Variants in ATP6V0A4 observed in about 807,000 individuals in gnomAD.
ATP6V0A4 encodes the protein ATPase H+ transporting V0 subunit a4.
Under a neutral mutation model 107.3 loss-of-function variants are expected in ATP6V0A4, and 86 were observed. The ratio of observed to expected loss-of-function variants is 0.80; its 90% CI spans 0.67 to 0.96. The LOEUF is 0.96. Ranked by LOEUF, ATP6V0A4 falls within the 40% of genes least tolerant of loss-of-function variation. The probability of loss-of-function intolerance (pLI) is 0.00; values close to 1 mark genes in which losing one functional copy is unlikely to be tolerated. For missense variants in ATP6V0A4, 908 were observed against 1,045.6 expected (o/e 0.87, Z 1.81); for synonymous variants, 353 against 381.4 (o/e 0.93, Z 0.87).
At chr7:138,741,201 C>A (rs1470999704) in intron 14 of ATP6V0A4, among the ~76,000 whole-genome samples, 2 of 152,116 alleles carry the variant, frequency 1.3e-5, no homozygotes, top group Non-Finnish European at 2.9e-5. Context: ...AGACAGCAGA[C>A]AGTCTTGACA....
At chr7:138,789,222 G>GTTT (rs779547524) in intron 1 of ATP6V0A4, among the ~76,000 whole-genome samples, 34 of 150,434 alleles carry the variant, frequency 2.3e-4, no homozygotes, top group East Asian at 3.9e-4. Flanking sequence ...TTTTTGGGGG[G>GTTT]TTTTTTTTTG....
At chr7:138,755,806 A>C (rs1806486063) in intron 9 of ATP6V0A4, 24 bp from the exon 10 acceptor site, 1 of 1,609,792 alleles carries the variant, frequency 6.2e-7, no homozygotes. Context: ...ATTCCAAAGG[A>C]AACAGGTGAG....
In ATP6V0A4 at chr7:138,747,497, G is replaced by A. The variant is rs748216034; in HGVS notation, c.1248C>T (p.Thr416=). The A allele has an allele frequency of 4.3e-6, 7 of 1,613,960 alleles. No homozygotes were observed. The highest frequency in any genetic ancestry group is 2.7e-5 in the African/African-American group (2 of 74,896). ...TCCAAAGTGCAGCCAGGAGCATCAC[G>A]GTTCCATGACCACAGTCTCCAAACA... ...AVMFGDCGHG[T]VMLLAALWMI... The change falls in exon 13 of 22, where the codon ACC becomes ACT. Residue 416 remains threonine (T), a synonymous_variant. Coordinates refer to ENST00000310018, the MANE Select transcript of ATP6V0A4 (RefSeq NM_020632.3).
chr7:138,743,373 G>T (rs187488666), intron 14 of ATP6V0A4, among the ~76,000 whole-genome samples: 2 of 150,546 alleles, frequency 1.3e-5, no homozygotes, highest in Non-Finnish European at 2.9e-5. Context: ...CAGGAGAATC[G>T]CTTGAACCCG....
intron 14 of ATP6V0A4, among the ~76,000 whole-genome samples, chr7:138,744,402 T>C (rs763214616): frequency 1.3e-5 from 2 of 152,002 alleles, no homozygotes; most frequent in African/African-American, 2.4e-5. Context: ...CATGCCCAGC[T>C]AATTTTTGTA....
At position 138,792,786 on chromosome 7, in the gene ATP6V0A4, G is replaced by GT. The variant is rs869050228; in HGVS notation, c.-121+5247dup. Reference sequence around the variant, plus strand: ...GGTTTGTTTTTTTTTTTGTTGTTTTGTTTTTTTTTTTGTAGCAACAGAGTT... The same window carrying GT: ...GGTTTGTTTTTTTTTTTGTTGTTTTGTTTTTTTTTTTTGTAGCAACAGAGTT... On this transcript the variant is annotated intron_variant, in intron 1 of 21. Coordinates refer to ENST00000310018, the MANE Select transcript of ATP6V0A4 (RefSeq NM_020632.3). 2.6e-3 allele frequency among the ~76,000 whole-genome samples: 157 copies of GT among 59,950 alleles called. 4 individuals are homozygous for GT. Among genetic ancestry groups the GT allele is most frequent in the Admixed American group, 9.6e-3 (43 of 4,466 alleles). The allele number at this position is 59,950 out of a possible 152,430, so 39.3% of individuals were successfully genotyped here.
chr7:138,748,379 G>C (rs1050781904), intron 12 of ATP6V0A4, among the ~76,000 whole-genome samples: 2 of 151,844 alleles, frequency 1.3e-5, no homozygotes. Context: ...TTGGATAAAG[G>C]GTATCTGGTC....
At chr7:138,713,324 G>T (rs1375427641) in intron 20 of ATP6V0A4, among the ~76,000 whole-genome samples, 1 of 151,174 alleles carries the variant, frequency 6.6e-6, no homozygotes, top group Non-Finnish European at 1.5e-5. Flanking sequence ...TGTCTGTGCT[G>T]CAGCCACTTG....
intron 1 of ATP6V0A4, among the ~76,000 whole-genome samples, chr7:138,796,417 T>C (rs1309714732): frequency 6.6e-6 from 1 of 152,158 alleles, no homozygotes; most frequent in African/African-American, 2.4e-5. Context: ...GCTGTTACAC[T>C]CCACTAGGAA....
At chr7:138,708,688 G>A (rs551097230) in intron 21 of ATP6V0A4, among the ~76,000 whole-genome samples, 30 of 152,274 alleles carry the variant, frequency 2.0e-4, no homozygotes, top group African/African-American at 3.1e-4. Context: ...CCCGGTGAGC[G>A]TCTCCCTCCT....
chr7:138,772,955 T>G (rs1343494233), intron 2 of ATP6V0A4, among the ~76,000 whole-genome samples: 1 of 152,078 alleles, frequency 6.6e-6, no homozygotes, highest in Non-Finnish European at 1.5e-5. Context: ...GAAGGCCACA[T>G]GAGAGCCAAG....
intron 11 of ATP6V0A4, 111 bp from the exon 12 acceptor site, chr7:138,749,428 G>A: frequency 7.9e-7 from 1 of 1,265,944 alleles, no homozygotes; most frequent in Non-Finnish European, 1.1e-6. Flanking sequence ...GCGAACTTGG[G>A]GCAATCTCTT....
At chr7:138,715,672 C>T (rs576230168) in intron 20 of ATP6V0A4, 92 bp downstream of exon 20, 9 of 1,510,494 alleles carry the variant, frequency 6.0e-6, no homozygotes, top group East Asian at 2.3e-5. Context: ...ACAAATAGCT[C>T]GGAGAAGTCA....
rs1325615195 is a variant in ATP6V0A4, at chr7:138,762,327, G to T, written c.512+13C>A. The stretch of plus-strand genomic sequence containing the variant: ...GGACCAGGGACCCATCTACACACAA[G>T]AATTACACTAACCCCAACTTTCCGG... On this transcript the variant is annotated intron_variant, in intron 7 of 21. Transcript: ENST00000310018. The T allele has an allele frequency of 6.2e-7, 1 of 1,613,884 alleles. No individual in the cohort carries two copies. The highest frequency in any genetic ancestry group is 2.2e-5 in the East Asian group (1 of 44,890).
intron 1 of ATP6V0A4, 121 bp downstream of exon 1, chr7:138,797,913 G>C (rs927337118): frequency 3.6e-6 from 5 of 1,407,470 alleles, no homozygotes; most frequent in South Asian, 2.5e-5. Flanking sequence ...AGAGAGGTGA[G>C]AGAAGGTGTG....
At chr7:138,707,129 T>TC (rs1207487352) in intron 21 of ATP6V0A4, among the ~76,000 whole-genome samples, 34 of 91,440 alleles carry the variant, frequency 3.7e-4, no homozygotes, top group Middle Eastern at 4.7e-3. Context: ...TATAATATTA[T>TC]ATATACATCA....
chr7:138,763,459 C>G (rs1358237397), intron 5 of ATP6V0A4, among the ~76,000 whole-genome samples: 2 of 151,592 alleles, frequency 1.3e-5, no homozygotes, highest in African/African-American at 4.9e-5. Context: ...GAAACCCCAT[C>G]TCTACTAAAA....
chr7:138,730,164 A>G (rs1377522996), intron 17 of ATP6V0A4, among the ~76,000 whole-genome samples: 1 of 152,184 alleles, frequency 6.6e-6, no homozygotes, highest in Non-Finnish European at 1.5e-5. Flanking sequence ...GGTTACAGGC[A>G]TGAGCCGCCG....
chr7:138,772,440 A>C (rs147354381), intron 2 of ATP6V0A4, among the ~76,000 whole-genome samples: 1 of 152,324 alleles, frequency 6.6e-6, no homozygotes, highest in East Asian at 1.9e-4. Context: ...ATATGGAAGA[A>C]GGATGCCCAC....
Sources: gnomAD v4.1 joint callset for allele counts (sites outside exome capture counted in the v4.1 genomes callset) on GRCh38, gnomAD v4.1.1 for gene constraint, MANE v1.5 for transcripts, NCBI Gene and HGNC (gene_info 2026-07-23, HGNC 2026-07-21) for gene names.